Variants in RSRC1 observed in about 807,000 individuals in gnomAD.
The protein encoded by RSRC1 is serine/Arginine-related protein 53.
In RSRC1, 39 loss-of-function variants were observed where a neutral mutation model predicts 49.1. The ratio of observed to expected loss-of-function variants is 0.79; its 90% CI spans 0.61 to 1.04. The LOEUF (loss-of-function observed/expected upper bound fraction) is 1.04. Ranked by LOEUF, RSRC1 falls within the 50% of genes least tolerant of loss-of-function variation. The pLI is 0.00. For missense variants in RSRC1, 388 were observed against 402.4 expected (o/e 0.96, Z 0.31); for synonymous variants, 143 against 130.8 (o/e 1.09, Z -0.63).
intron 7 of RSRC1, among the ~76,000 whole-genome samples, chr3:158,527,574 T>A (rs1380392849): frequency 1.3e-5 from 2 of 151,958 alleles, no homozygotes; most frequent in Non-Finnish European, 2.9e-5. Context: ...AATATAAGAC[T>A]CTGGAGTTAT....
intron 3 of RSRC1, among the ~76,000 whole-genome samples, chr3:158,143,325 TAAAGA>T (rs2108199639): frequency 6.6e-6 from 1 of 152,264 alleles, no homozygotes; most frequent in Admixed American, 6.5e-5. Context: ...TTTCCACTTT[TAAAGA>T]AAAGATTGAA....
At chr3:158,219,587 TATAA>T (rs1267894306) in intron 4 of RSRC1, among the ~76,000 whole-genome samples, 3 of 151,594 alleles carry the variant, frequency 2.0e-5, no homozygotes, top group Non-Finnish European at 4.4e-5. Context: ...CTAAAAGAAA[TATAA>T]ATAAATAAGA....
intron 6 of RSRC1, among the ~76,000 whole-genome samples, chr3:158,450,839 T>G (rs1275963254): frequency 6.6e-6 from 1 of 151,868 alleles, no homozygotes; most frequent in Non-Finnish European, 1.5e-5. Context: ...TAATTATATT[T>G]TTTCTCCAAA....
intron 6 of RSRC1, among the ~76,000 whole-genome samples, chr3:158,408,281 T>C (rs890003983): frequency 9.2e-5 from 14 of 152,206 alleles, no homozygotes; most frequent in African/African-American, 3.1e-4. Flanking sequence ...CAGAGACATA[T>C]GGAAAATATA....
chr3:158,516,355 C>T (rs1275549331), intron 7 of RSRC1, among the ~76,000 whole-genome samples: 1 of 151,798 alleles, frequency 6.6e-6, no homozygotes, highest in African/African-American at 2.4e-5. Context: ...AGTACCCGGC[C>T]GTGTGAGGTG....
intron 7 of RSRC1, among the ~76,000 whole-genome samples, chr3:158,511,793 T>C (rs1166065577): frequency 1.3e-5 from 2 of 151,946 alleles, no homozygotes; most frequent in African/African-American, 4.8e-5. Context: ...TGTTGTTTCC[T>C]AACTTTTTAA....
rs77783284 is a variant in RSRC1 at position 158,222,515 on chromosome 3, A to G, written c.494+19270A>G. On this transcript the variant is annotated intron_variant, in intron 4 of 9. Transcript: ENST00000611884. ...CATCTTGTTTGTACACTATAAATAT[A>G]TATAATTTTTGTCAATTAAACAAGT... Among the ~76,000 whole-genome samples, 1,934 of 151,660 alleles carry G rather than the reference A, an allele frequency of 0.013. 132 individuals carry two copies. The East Asian group carries it at 0.14, about 11-fold the overall frequency.
At chr3:158,511,027 C>T (rs1465780540) in intron 7 of RSRC1, among the ~76,000 whole-genome samples, 1 of 151,934 alleles carries the variant, frequency 6.6e-6, no homozygotes, top group Non-Finnish European at 1.5e-5. Context: ...TATAGCTCTG[C>T]ATATTTATTT....
At chr3:158,452,114 T>C (rs561599201) in intron 6 of RSRC1, among the ~76,000 whole-genome samples, 3 of 152,240 alleles carry the variant, frequency 2.0e-5, no homozygotes, top group Non-Finnish European at 2.9e-5. Context: ...TCCCTTATTT[T>C]GATTACTGTT....
At chr3:158,447,366 A>G (rs1330629142) in intron 6 of RSRC1, among the ~76,000 whole-genome samples, 1 of 152,050 alleles carries the variant, frequency 6.6e-6, no homozygotes, top group East Asian at 1.9e-4. Context: ...TATTAATAAC[A>G]TAATTATTTG....
rs191357840 is a variant in RSRC1 at position 158,422,033 on chromosome 3, A to G, written c.584-38902A>G. ...ATCAGAAATTGATTTTATTTGATGT[A>G]TATAAACTAAGTCGGGAGAAGTTTC... is the stretch of plus-strand genomic sequence containing the variant. On this transcript the variant is annotated intron_variant, in intron 6 of 9. Transcript: ENST00000611884. 9.4e-4 allele frequency among the ~76,000 whole-genome samples: 142 copies of G among 150,354 alleles called. 1 individual carries two copies. The highest frequency in any genetic ancestry group is 3.3e-3 in the African/African-American group (134 of 40,984).
At chr3:158,240,380 T>C (rs1723500713) in intron 4 of RSRC1, among the ~76,000 whole-genome samples, 1 of 152,176 alleles carries the variant, frequency 6.6e-6, no homozygotes, top group Non-Finnish European at 1.5e-5. Flanking sequence ...TTTTTTTCTA[T>C]ATCAATTGAA....
At chr3:158,317,035 A>G (rs569515348) in intron 5 of RSRC1, among the ~76,000 whole-genome samples, 5 of 152,316 alleles carry the variant, frequency 3.3e-5, no homozygotes, top group African/African-American at 1.2e-4. Context: ...GGCTATTGCC[A>G]TGACATTTGG....
intron 6 of RSRC1, among the ~76,000 whole-genome samples, chr3:158,379,705 A>G (rs781110601): frequency 1.3e-5 from 2 of 151,740 alleles, no homozygotes; most frequent in Non-Finnish European, 1.5e-5. Flanking sequence ...CGCTTCCCCA[A>G]ATAGCTATAG....
At chr3:158,364,893 C>T (rs963956410) in intron 6 of RSRC1, among the ~76,000 whole-genome samples, 3 of 150,024 alleles carry the variant, frequency 2.0e-5, no homozygotes, top group South Asian at 2.1e-4. Context: ...TTAATAAAGT[C>T]TATAGAGAGA....
intron 5 of RSRC1, among the ~76,000 whole-genome samples, chr3:158,341,306 G>T (rs1278608314): frequency 6.6e-6 from 1 of 152,014 alleles, no homozygotes; most frequent in South Asian, 2.1e-4. Context: ...CCCATCACAG[G>T]CCCAGAGACC....
intron 4 of RSRC1, among the ~76,000 whole-genome samples, chr3:158,255,183 T>G (rs1047162569): frequency 6.6e-6 from 1 of 152,124 alleles, no homozygotes; most frequent in African/African-American, 2.4e-5. Flanking sequence ...TTTTCTAGGG[T>G]TTTTATGGTT....
chr3:158,231,533 A>G (rs577905511), intron 4 of RSRC1, among the ~76,000 whole-genome samples: 1 of 152,072 alleles, frequency 6.6e-6, no homozygotes, highest in African/African-American at 2.4e-5. Flanking sequence ...AGCATTTTCT[A>G]ATTCTCTGGT....
chr3:158,127,202 A>G (rs1044941200), intron 3 of RSRC1, among the ~76,000 whole-genome samples: 2 of 152,106 alleles, frequency 1.3e-5, no homozygotes, highest in African/African-American at 4.8e-5. Flanking sequence ...TTTTTTAGCC[A>G]TTATGTCTTC....
Sources: allele counts gnomAD v4.1 joint callset (sites outside exome capture counted in the v4.1 genomes callset), GRCh38; gene constraint gnomAD v4.1.1; transcripts MANE v1.5; gene names NCBI Gene and HGNC (gene_info 2026-07-23, HGNC 2026-07-21).